Variants in ABCA3 observed in about 807,000 individuals in gnomAD.
The protein encoded by ABCA3 is phospholipid-transporting ATPase ABCA3.
In ABCA3, 88 loss-of-function variants were observed where a neutral mutation model predicts 172.8. The ratio of observed to expected loss-of-function variants is 0.51; its 90% CI spans 0.43 to 0.61. The LOEUF (loss-of-function observed/expected upper bound fraction) is 0.61, where lower values mean the gene tolerates loss of function less well. Ranked by LOEUF, ABCA3 falls within the 20% of genes least tolerant of loss-of-function variation. The pLI is 0.00. For missense variants in ABCA3, 2,164 were observed against 2,301.0 expected (o/e 0.94, Z 1.22); for synonymous variants, 1,066 against 983.8 (o/e 1.08, Z -1.56).
intron 7 of ABCA3, among the ~76,000 whole-genome samples, chr16:2,320,308 C>G (rs1414733348): frequency 6.7e-6 from 1 of 149,814 alleles, no homozygotes; most frequent in East Asian, 2.0e-4. Flanking sequence ...CCGTGTTAGC[C>G]AGGATGGTCT....
rs924775557 is a variant in ABCA3, at chr16:2,337,352, A to G, written c.-539+3221T>C. On this transcript the variant is annotated intron_variant, in intron 1 of 32. Transcript: ENST00000301732. ...TTCATTCTTTTACACATAACAGTACACATGAAAAAAAAAGTCTGAGGCCTT... is the reference window on the plus strand; with the variant it reads ...TTCATTCTTTTACACATAACAGTACGCATGAAAAAAAAAGTCTGAGGCCTT... Among the ~76,000 whole-genome samples the G allele has an allele frequency of 3.3e-5, 5 of 151,366 alleles. No individual in the cohort carries two copies. The South Asian group carries it at 1.0e-3, about 31-fold the overall frequency.
At chr16:2,299,374 G>A in intron 14 of ABCA3, 29 bp downstream of exon 14, 1 of 1,612,412 alleles carries the variant, frequency 6.2e-7, no homozygotes, top group South Asian at 1.1e-5. Flanking sequence ...GCCTGCTGGT[G>A]GCAGGGGCGT....
intron 8 of ABCA3, among the ~76,000 whole-genome samples, chr16:2,319,352 G>T (rs1252354700): frequency 6.6e-6 from 1 of 152,066 alleles, no homozygotes; most frequent in Non-Finnish European, 1.5e-5. Flanking sequence ...GGGTGTGGTG[G>T]CAGGCACCTA....
intron 2 of ABCA3, 46 bp downstream of exon 2, chr16:2,329,602 C>T (rs1010432376): frequency 3.3e-5 from 5 of 152,430 alleles, no homozygotes; most frequent in Admixed American, 3.3e-4. Context: ...AAAGATAGAC[C>T]ACCCCCCTTC....
intron 19 of ABCA3, among the ~76,000 whole-genome samples, chr16:2,290,720 C>G (rs1002190594): frequency 4.6e-5 from 7 of 152,202 alleles, no homozygotes; most frequent in African/African-American, 1.7e-4. Flanking sequence ...GCCGCCTTGC[C>G]TGGCCTTTTT....
At position 2,281,270 on chromosome 16, in the gene ABCA3, G is replaced by GC. The variant is rs1290459678; in HGVS notation, c.4165-50dup. 1 of 1,613,196 alleles carries GC rather than the reference G, an allele frequency of 6.2e-7. No individual in the cohort carries two copies. Among genetic ancestry groups the GC allele is most frequent in the Non-Finnish European group, 8.5e-7 (1 of 1,179,864 alleles). ...CGGAATGCGGAGGCCTGGACGCAAA[G>GC]CAGAGCAGTCTGAGCCTCAGCGCCG... On this transcript the variant is annotated intron_variant, in intron 27 of 32. Coordinates refer to ENST00000301732, the MANE Select transcript of ABCA3 (RefSeq NM_001089.3). This position sits in a 1 kb window ranked among gnomAD's most constrained non-coding sequence, Gnocchi z 4.7.
At chr16:2,298,339 A>G in intron 15 of ABCA3, 47 bp downstream of exon 15, 1 of 1,612,086 alleles carries the variant, frequency 6.2e-7, no homozygotes, top group Non-Finnish European at 8.5e-7. Flanking sequence ...CAGAAACTCG[A>G]GCACATCAGT....
chr16:2,319,929 A>C (rs2093723219), intron 7 of ABCA3, 89 bp from the exon 8 acceptor site: 2 of 1,567,386 alleles, frequency 1.3e-6, no homozygotes, highest in African/African-American at 1.3e-5. Context: ...ATGGGGGAAG[A>C]GATGCTTGGG....
chr16:2,306,504 C>T (rs1352272194), intron 11 of ABCA3, among the ~76,000 whole-genome samples: 1 of 152,212 alleles, frequency 6.6e-6, no homozygotes, highest in Non-Finnish European at 1.5e-5. Flanking sequence ...TCCACAGACC[C>T]AGACCTTGGC....
chr16:2,304,951 A>T, intron 11 of ABCA3, among the ~76,000 whole-genome samples: 1 of 152,062 alleles, frequency 6.6e-6, no homozygotes, highest in South Asian at 2.1e-4. Flanking sequence ...CTGGGATTAC[A>T]GGCGTGAGCC....
rs144658303 is a variant in ABCA3, at chr16:2,285,641, C to T, written c.3284G>A (p.Arg1095Gln). Reference protein sequence around the residue: ...QAAKDQFNEGRKGFDIALNLL... With the variant: ...QAAKDQFNEGQKGFDIALNLL... ...GTTGAGGGCAATGTCGAATCCCTTC[C>T]GGCCCCTGCGGGGGACAGAGAAGGT... The change falls in exon 23 of 33, where the codon CGG becomes CAG. Residue 1095 changes from arginine (R) to glutamine (Q), a missense_variant. Transcript: ENST00000301732. The surrounding 1 kb of genome is among the most constrained non-coding windows in gnomAD (Gnocchi z 4.7). 112 of 1,552,056 alleles carry T rather than the reference C, an allele frequency of 7.2e-5. No homozygotes were observed. The highest frequency in any genetic ancestry group is 3.4e-4 in the East Asian group (14 of 40,956).
rs918556604 is a variant in ABCA3 at position 2,276,328 on chromosome 16, C to T, written c.*346G>A. 2 of 483,464 alleles carry T rather than the reference C, an allele frequency of 4.1e-6. No homozygotes were observed. Among genetic ancestry groups the T allele is most frequent in the Non-Finnish European group, 8.2e-6 (2 of 245,160 alleles). 29.9% of individuals were successfully genotyped at this position (483,464 alleles called of 1,614,324 possible). On this transcript the variant is annotated 3_prime_UTR_variant, in exon 33 of 33. Coordinates refer to ENST00000301732, the MANE Select transcript of ABCA3 (RefSeq NM_001089.3). ...ACTTGGACAAGTCACTGGGTCCTCTCTCCAGGGAGTGCCTGGAGAAATTCA... is the reference window on the plus strand; with the variant it reads ...ACTTGGACAAGTCACTGGGTCCTCTTTCCAGGGAGTGCCTGGAGAAATTCA...
At chr16:2,332,359 A>G (rs1330970870) in intron 1 of ABCA3, 2 of 817,080 alleles carry the variant, frequency 2.4e-6, no homozygotes, top group Non-Finnish European at 4.3e-6. Flanking sequence ...AGGGCTTCTA[A>G]ACTTTTTGGA....
intron 19 of ABCA3, among the ~76,000 whole-genome samples, chr16:2,291,036 A>G (rs2093671212): frequency 6.6e-6 from 1 of 151,908 alleles, no homozygotes; most frequent in African/African-American, 2.4e-5. Context: ...TGCCCGGCTA[A>G]TTTTTGTAGT....
Position 2,286,723 on chromosome 16 carries a change from G to T in ABCA3, c.3249C>A (p.Ala1083=). ...TAAACTGGTCCTTGGCAGCCTGCAGGGCGCTCCGGGGCTGGGGGAAGTTGG... is the reference window on the plus strand; with the variant it reads ...TAAACTGGTCCTTGGCAGCCTGCAGTGCGCTCCGGGGCTGGGGGAAGTTGG... ...VVSNFPQPRS[A]LQAAKDQFNE... The change falls in exon 22 of 33, where the codon GCC becomes GCA. Residue 1083 remains alanine (A), a synonymous_variant. Coordinates refer to ENST00000301732, the MANE Select transcript of ABCA3 (RefSeq NM_001089.3). The surrounding 1 kb of genome is among the most constrained non-coding windows in gnomAD (Gnocchi z 5.2). 6.2e-7 allele frequency: 1 copy of T among 1,613,770 alleles called. No individual in the cohort carries two copies. The highest frequency in any genetic ancestry group is 8.5e-7 in the Non-Finnish European group (1 of 1,179,924).
Position 2,278,276 on chromosome 16 carries a change from C to T in ABCA3, c.4718+12G>A. On this transcript the variant is annotated intron_variant, in intron 30 of 32. Transcript: ENST00000301732. The surrounding 1 kb of genome is among the most constrained non-coding windows in gnomAD (Gnocchi z 4.4). ...GCTGAAACTTCCAGTAACCCACAGACCCAGGCTCTACCTGTGGGAGGTGAT... is the reference window on the plus strand; with the variant it reads ...GCTGAAACTTCCAGTAACCCACAGATCCAGGCTCTACCTGTGGGAGGTGAT... 1 of 1,606,418 alleles carries T rather than the reference C, an allele frequency of 6.2e-7. No homozygotes were observed. Among genetic ancestry groups the T allele is most frequent in the Non-Finnish European group, 8.5e-7 (1 of 1,179,976 alleles).
At position 2,295,657 on chromosome 16, in the gene ABCA3, T is replaced by C. The variant is rs1301816085; in HGVS notation, c.2347A>G (p.Asn783Asp). ...CCAGCGCTGCTCTCCAGCGTGGCGT[T>C]GGGCACGTGGTGGTGGACCAGCTGG... is the stretch of plus-strand genomic sequence containing the variant. ...ISQLVHHHVP[N>D]ATLESSAGAE... Residue 783 changes from asparagine (N) to aspartate (D), a missense_variant, in exon 18 of 33, where the codon AAC becomes GAC. Transcript: ENST00000301732. The C allele has an allele frequency of 6.2e-7, 1 of 1,614,040 alleles. No homozygotes were observed. Among genetic ancestry groups the C allele is most frequent in the Admixed American group, 1.7e-5 (1 of 60,030 alleles).
Position 2,288,249 on chromosome 16 carries a change from C to A in ABCA3, c.2781G>T (p.Ala927=), listed in dbSNP as rs753048947. 1.3e-6 allele frequency: 2 copies of A among 1,593,104 alleles called. No homozygotes were observed. Among genetic ancestry groups the A allele is most frequent in the Non-Finnish European group, 1.7e-6 (2 of 1,170,000 alleles). The change falls in exon 21 of 33, where the codon GCG becomes GCT. Residue 927 remains alanine, a synonymous_variant. Coordinates refer to ENST00000301732, the MANE Select transcript of ABCA3 (RefSeq NM_001089.3). ...AGGTCAGAGGCACCAGGACCTGTGCCGCCACCATTTTCCACTCGCGCCAGC... is the reference window on the plus strand; with the variant it reads ...AGGTCAGAGGCACCAGGACCTGTGCAGCCACCATTTTCCACTCGCGCCAGC... ...AYSWREWKMV[A]AQVLVPLTCV...
In ABCA3 at chr16:2,297,931, C is replaced by G. The variant is rs2093682639; in HGVS notation, c.1897-10G>C. On this transcript the variant is annotated splice_polypyrimidine_tract_variant and intron_variant, in intron 15 of 32. Transcript: ENST00000301732. The surrounding 1 kb of genome is among the most constrained non-coding windows in gnomAD (Gnocchi z 5.6). ...GTGACAGGCCCTTCAGCTGCAACGA[C>G]AGGGGACGCAGGGAGATGCAGGGCT... is the stretch of plus-strand genomic sequence containing the variant. The G allele has an allele frequency of 6.2e-7, 1 of 1,613,224 alleles. No homozygotes were observed. The highest frequency in any genetic ancestry group is 1.7e-5 in the Admixed American group (1 of 59,964).
Sources: gnomAD v4.1 joint callset for allele counts (sites outside exome capture counted in the v4.1 genomes callset) on GRCh38, gnomAD v4.1.1 for gene constraint, Gnocchi (gnomAD v3.1) non-coding constraint, MANE v1.5 for transcripts, NCBI Gene and HGNC (gene_info 2026-07-23, HGNC 2026-07-21) for gene names.